The following PPP1R12B variants were observed in gnomAD, a reference collection of about 807,000 sequenced individuals.
The protein encoded by PPP1R12B is myosin phosphatase target subunit 2.
Under a neutral mutation model 126.1 loss-of-function variants are expected in PPP1R12B, and 76 were observed. That is an observed-to-expected ratio of 0.60 (90% confidence interval 0.50 to 0.73). The LOEUF is 0.73. PPP1R12B is among the 30% of genes least tolerant of loss of function. The pLI is 0.00. For missense variants in PPP1R12B, 1,052 were observed against 1,205.1 expected, an observed-to-expected ratio of 0.87 and a Z score of 1.88; for synonymous variants, 356 against 434.7, an observed-to-expected ratio of 0.82 and a Z score of 2.25.
At chr1:202,490,783 A>T (rs1423430965) in intron 14 of PPP1R12B, among the ~76,000 whole-genome samples, 1 of 152,218 alleles carries the variant, frequency 6.6e-6, no homozygotes, top group African/African-American at 2.4e-5. Context: ...TCCATATTAT[A>T]GCATGTGTCA....
At chr1:202,414,241 A>C (rs1016646553) in intron 1 of PPP1R12B, among the ~76,000 whole-genome samples, 5 of 152,180 alleles carry the variant, frequency 3.3e-5, no homozygotes, top group Non-Finnish European at 5.9e-5. Context: ...CTTAAATGTA[A>C]GTTTTAGAAA....
chr1:202,566,661 A>G (rs1294210532), intron 21 of PPP1R12B, among the ~76,000 whole-genome samples: 1 of 152,110 alleles, frequency 6.6e-6, no homozygotes. Context: ...TGTAGGATCT[A>G]TTTTTGCGTT....
At chr1:202,555,499 A>G (rs950129882) in intron 18 of PPP1R12B, among the ~76,000 whole-genome samples, 51 of 151,470 alleles carry the variant, frequency 3.4e-4, no homozygotes, top group Non-Finnish European at 5.5e-4. Context: ...GTGAGGTTTC[A>G]CATTTCAAGA....
intron 3 of PPP1R12B, among the ~76,000 whole-genome samples, chr1:202,425,274 A>G (rs1351282905): frequency 6.6e-6 from 1 of 152,254 alleles, no homozygotes; most frequent in Non-Finnish European, 1.5e-5. Flanking sequence ...TACAAATATT[A>G]TAATGTAAAA....
chr1:202,417,494 C>T, intron 2 of PPP1R12B: 3 of 827,314 alleles, frequency 3.6e-6, no homozygotes, highest in Non-Finnish European at 4.4e-6. Flanking sequence ...AACTAGTTGC[C>T]CCTCCCGTGG....
At chr1:202,426,204 A>T (rs1464102100) in intron 4 of PPP1R12B, among the ~76,000 whole-genome samples, 2 of 152,198 alleles carry the variant, frequency 1.3e-5, no homozygotes, top group Non-Finnish European at 2.9e-5. Context: ...TTTTCCTTAC[A>T]TCCATACATG....
intron 18 of PPP1R12B, among the ~76,000 whole-genome samples, chr1:202,532,417 G>A (rs1042015186): frequency 6.6e-6 from 1 of 152,174 alleles, no homozygotes; most frequent in Admixed American, 6.5e-5. Flanking sequence ...GTAGGTCTCA[G>A]CCTTATTTAC....
chr1:202,535,077 G>T (rs1684404323), intron 18 of PPP1R12B, among the ~76,000 whole-genome samples: 1 of 151,986 alleles, frequency 6.6e-6, no homozygotes, highest in Non-Finnish European at 1.5e-5. Flanking sequence ...GTGTGTGTGT[G>T]TGTGTATCCT....
intron 8 of PPP1R12B, among the ~76,000 whole-genome samples, chr1:202,433,813 T>G (rs976591382): frequency 3.9e-5 from 6 of 152,226 alleles, no homozygotes; most frequent in African/African-American, 1.4e-4. Context: ...GTTCTCTGTT[T>G]ATGTCCCTCT....
intron 18 of PPP1R12B, among the ~76,000 whole-genome samples, chr1:202,534,048 A>G (rs537473766): frequency 1.7e-4 from 26 of 152,286 alleles, no homozygotes; most frequent in Middle Eastern, 3.4e-3. Context: ...TAGGCATTCT[A>G]TTGTAAGCAA....
At chr1:202,542,340 T>C (rs1685210403) in intron 18 of PPP1R12B, among the ~76,000 whole-genome samples, 1 of 152,214 alleles carries the variant, frequency 6.6e-6, no homozygotes, top group Non-Finnish European at 1.5e-5. Flanking sequence ...TTGCTATCCC[T>C]ATTTTACATA....
rs1254084717 is a variant in PPP1R12B at position 202,591,209 on chromosome 1, C to T, written c.*10649C>T. On this transcript the variant is annotated 3_prime_UTR_variant, in exon 24 of 24. Transcript: ENST00000608999. ...AGGTCCCTGGGACTTCTGTGTGCAACTTCTGTTGTGGTTTGTGCAGGGCAA... is the reference window on the plus strand; with the variant it reads ...AGGTCCCTGGGACTTCTGTGTGCAATTTCTGTTGTGGTTTGTGCAGGGCAA... 6.6e-6 allele frequency: 1 copy of T among 152,406 alleles called. No individual in the cohort carries two copies. The highest frequency in any genetic ancestry group is 2.1e-4 in the South Asian group (1 of 4,832). 9.4% of individuals were successfully genotyped at this position (152,406 alleles called of 1,614,324 possible). A position where few individuals can be genotyped will look rare whatever the true frequency, so the allele number is the denominator to read the frequency against.
At chr1:202,376,729 A>C (rs1177999308) in intron 1 of PPP1R12B, among the ~76,000 whole-genome samples, 1 of 152,170 alleles carries the variant, frequency 6.6e-6, no homozygotes, top group African/African-American at 2.4e-5. Flanking sequence ...GGGAAGGATT[A>C]TTAAAGTTTT....
At chr1:202,438,825 G>A (rs529929315) in intron 10 of PPP1R12B, 5 of 903,708 alleles carry the variant, frequency 5.5e-6, no homozygotes, top group South Asian at 1.3e-5. Context: ...ACTCACGGAC[G>A]TGGGGGAGAC....
chr1:202,372,122 C>T (rs1208684994), intron 1 of PPP1R12B, among the ~76,000 whole-genome samples: 2 of 152,086 alleles, frequency 1.3e-5, no homozygotes, highest in Non-Finnish European at 1.5e-5. Flanking sequence ...CTACCCACCT[C>T]GGCCTCCCAA....
Position 202,588,652 on chromosome 1 carries a change from G to A in PPP1R12B, c.*8092G>A, listed in dbSNP as rs748297632. Reference sequence around the variant, plus strand: ...TCTTCTGATTTTACATCTTATCATTGGTGGGGGCCTCGCCCACCAGCCTCC... The same window carrying A: ...TCTTCTGATTTTACATCTTATCATTAGTGGGGGCCTCGCCCACCAGCCTCC... On this transcript the variant is annotated 3_prime_UTR_variant, in exon 24 of 24. Coordinates refer to ENST00000608999, the MANE Select transcript of PPP1R12B (RefSeq NM_002481.4). 6.6e-6 allele frequency: 1 copy of A among 152,076 alleles called. No homozygotes were observed. Among genetic ancestry groups the A allele is most frequent in the African/African-American group, 2.4e-5 (1 of 41,348 alleles). 9.4% of individuals were successfully genotyped at this position (152,076 alleles called of 1,614,324 possible). A position where few individuals can be genotyped will look rare whatever the true frequency, so the allele number is the denominator to read the frequency against.
chr1:202,475,895 C>A (rs1286112089), intron 13 of PPP1R12B, among the ~76,000 whole-genome samples: 1 of 151,816 alleles, frequency 6.6e-6, no homozygotes, highest in Non-Finnish European at 1.5e-5. Flanking sequence ...TCGATGTAAT[C>A]TTATGTTAAT....
chr1:202,506,802 T>C (rs1238693322), intron 18 of PPP1R12B, among the ~76,000 whole-genome samples: 1 of 152,138 alleles, frequency 6.6e-6, no homozygotes, highest in East Asian at 1.9e-4. Flanking sequence ...AGAAAATTCA[T>C]GAAGTATAGA....
chr1:202,456,277 A>AAAAG lies in PPP1R12B; in HGVS notation c.1850+7130_1850+7133dup, dbSNP rs530699602. Among the ~76,000 whole-genome samples the AAAAG allele has an allele frequency of 6.0e-3, 905 of 152,028 alleles. 5 individuals carry two copies. Among genetic ancestry groups the AAAAG allele is most frequent in the African/African-American group, 0.011 (476 of 41,450 alleles). ...GAGCAAGAATCCGTCTCAAAAAAAA[A>AAAAG]AAAGAAAGAAAGAAAGAAAGAAAGA... On this transcript the variant is annotated intron_variant, in intron 13 of 23. Coordinates refer to ENST00000608999, the MANE Select transcript of PPP1R12B (RefSeq NM_002481.4).
Sources: allele counts gnomAD v4.1 joint callset (sites outside exome capture counted in the v4.1 genomes callset), GRCh38; gene constraint gnomAD v4.1.1; transcripts MANE v1.5; gene names NCBI Gene and HGNC (gene_info 2026-07-23, HGNC 2026-07-21).